Variants in RAP1A observed in about 807,000 individuals in gnomAD.
RAP1A encodes RAP1A, member of RAS oncogene family, also known as ras-related protein Rap-1A.
Under a neutral mutation model 26.4 loss-of-function variants are expected in RAP1A, and 6 were observed. The observed-to-expected ratio is 0.23, with a 90% confidence interval of 0.12 to 0.45. The LOEUF (loss-of-function observed/expected upper bound fraction) is 0.45. RAP1A is among the 20% of genes least tolerant of loss of function. The pLI is 0.99. For missense variants in RAP1A, 121 were observed against 217.2 expected, an observed-to-expected ratio of 0.56 and a Z score of 2.78; for synonymous variants, 73 against 79.4, an observed-to-expected ratio of 0.92 and a Z score of 0.43.
chr1:111,635,455 C>G (rs906013302), intron 1 of RAP1A, among the ~76,000 whole-genome samples: 1 of 152,204 alleles, frequency 6.6e-6, no homozygotes, highest in Admixed American at 6.5e-5. Flanking sequence ...AGAACAATAT[C>G]TATATCTTGT....
At chr1:111,661,755 C>T (rs904719266) in intron 1 of RAP1A, among the ~76,000 whole-genome samples, 71 of 149,990 alleles carry the variant, frequency 4.7e-4, no homozygotes, top group African/African-American at 1.6e-3. Flanking sequence ...GCCGAGATTG[C>T]GCCACTGCAC....
In RAP1A at chr1:111,714,955, C is replaced by G. The variant is rs1435020646; in HGVS notation, c.*2554C>G. 6.6e-6 allele frequency: 1 copy of G among 152,138 alleles called. No individual in the cohort carries two copies. The highest frequency in any genetic ancestry group is 2.4e-5 in the African/African-American group (1 of 41,434). 9.4% of individuals were successfully genotyped at this position (152,138 alleles called of 1,614,324 possible). On this transcript the variant is annotated 3_prime_UTR_variant, in exon 8 of 8. Transcript: ENST00000369709. ...ACACAGAATTTAAGGAGGCTTCATG[C>G]CATAGTTCATAGTTTGCTCTAATGG...
In RAP1A at chr1:111,561,610, T is replaced by C. The variant is rs569180167; in HGVS notation, c.-28+19101T>C. Among the ~76,000 whole-genome samples the C allele has an allele frequency of 4.5e-4, 69 of 152,266 alleles. 1 individual carries two copies. The highest frequency in any genetic ancestry group is 1.6e-3 in the African/African-American group (67 of 41,552). On this transcript the variant is annotated intron_variant, in intron 1 of 7. Coordinates refer to the RAP1A transcript ENST00000356415. ...GTCAGGTCAAACACAGAGCAGAAGG[T>C]CACAGAATTTTATTCAATCATAGGC...
chr1:111,594,613 G>C (rs1183647235), intron 1 of RAP1A, among the ~76,000 whole-genome samples: 4 of 151,934 alleles, frequency 2.6e-5, no homozygotes, highest in African/African-American at 9.7e-5. Context: ...AGCAAGGAGA[G>C]CGAGAAAAGA....
intron 1 of RAP1A, among the ~76,000 whole-genome samples, chr1:111,567,355 G>T (rs1036895310): frequency 6.6e-6 from 1 of 152,152 alleles, no homozygotes; most frequent in South Asian, 2.1e-4. Context: ...ATAATATTTT[G>T]TGCCCCATGA....
intron 1 of RAP1A, among the ~76,000 whole-genome samples, chr1:111,548,258 C>T (rs373376474): frequency 1.3e-5 from 2 of 152,166 alleles, no homozygotes; most frequent in East Asian, 1.9e-4. Flanking sequence ...TGGCCTCAAG[C>T]GACCCACCCA....
chr1:111,639,650 A>G (rs1248582626), intron 1 of RAP1A, among the ~76,000 whole-genome samples: 2 of 152,048 alleles, frequency 1.3e-5, no homozygotes, highest in African/African-American at 4.8e-5. Flanking sequence ...TACCTTTGTA[A>G]TGAAAAATCT....
At chr1:111,711,352 A>G (rs1353646627) in intron 7 of RAP1A, among the ~76,000 whole-genome samples, 1 of 152,196 alleles carries the variant, frequency 6.6e-6, no homozygotes, top group Non-Finnish European at 1.5e-5. Flanking sequence ...CTCACAAAAT[A>G]TCCTTTTAGC....
chr1:111,674,302 C>T lies in RAP1A; in HGVS notation c.-27-17032C>T, dbSNP rs1302743665. Among the ~76,000 whole-genome samples, 176 of 126,636 alleles carry T rather than the reference C, an allele frequency of 1.4e-3. 1 individual carries two copies. Among genetic ancestry groups the T allele is most frequent in the Non-Finnish European group, 2.5e-3 (150 of 58,998 alleles). 83.1% of individuals were successfully genotyped at this position (126,636 alleles called of 152,430 possible). A position where few individuals can be genotyped will look rare whatever the true frequency, so the allele number is the denominator to read the frequency against. ...TCATGGACATCACTTTTTTTTTTTT[C>T]ATGGAATCACCTAATACAGATAGAG... On this transcript the variant is annotated intron_variant, in intron 1 of 7. Transcript: ENST00000369709.
chr1:111,646,435 C>A (rs3860204), intron 1 of RAP1A, among the ~76,000 whole-genome samples: 98,220 of 132,208 alleles, frequency 0.74, 33,559 homozygotes, highest in South Asian at 0.82. Flanking sequence ...AAAAAAAAAA[C>A]AAAACAAAAC....
At chr1:111,645,131 G>A (rs1212603528) in intron 1 of RAP1A, among the ~76,000 whole-genome samples, 1 of 134,458 alleles carries the variant, frequency 7.4e-6, no homozygotes, top group African/African-American at 2.9e-5. Flanking sequence ...AAAATAATTT[G>A]CAATTTAAAG....
chr1:111,631,511 A>C (rs547091896), intron 1 of RAP1A, among the ~76,000 whole-genome samples: 2 of 152,342 alleles, frequency 1.3e-5, no homozygotes, highest in Middle Eastern at 3.4e-3. Context: ...ACAGGTGATG[A>C]AACTCAAAGT....
chr1:111,571,838 A>G (rs1658054559), intron 1 of RAP1A, among the ~76,000 whole-genome samples: 1 of 152,220 alleles, frequency 6.6e-6, no homozygotes, highest in Non-Finnish European at 1.5e-5. Flanking sequence ...GATAGATAAA[A>G]TGGCATGCAT....
At chr1:111,693,449 A>G (rs751081713) in intron 2 of RAP1A, among the ~76,000 whole-genome samples, 6 of 152,118 alleles carry the variant, frequency 3.9e-5, no homozygotes, top group Non-Finnish European at 8.8e-5. Flanking sequence ...AGAGGAAAAT[A>G]AGGATACAGG....
chr1:111,595,747 T>C (rs1425282217), intron 1 of RAP1A, among the ~76,000 whole-genome samples: 3 of 152,166 alleles, frequency 2.0e-5, no homozygotes, highest in Admixed American at 2.0e-4. Context: ...ATATAATCCA[T>C]CATTTGCCAA....
Position 111,622,680 on chromosome 1 carries a change from A to C in RAP1A, c.-28+2746A>C, listed in dbSNP as rs569382950. 1.3e-4 allele frequency among the ~76,000 whole-genome samples: 20 copies of C among 152,366 alleles called. No homozygotes were observed. In the South Asian group the frequency reaches 3.9e-3, roughly 30 times the overall value. The stretch of plus-strand genomic sequence containing the variant: ...CATTATTGTTTAACATTTAAAAAAT[A>C]ATGTCAGTCATAAAAAGATAACTTT... On this transcript the variant is annotated intron_variant, in intron 1 of 7. Coordinates refer to ENST00000369709, the MANE Select transcript of RAP1A (RefSeq NM_002884.4).
chr1:111,613,154 T>TG, intron 1 of RAP1A, among the ~76,000 whole-genome samples: 1 of 106,482 alleles, frequency 9.4e-6, no homozygotes, highest in Middle Eastern at 4.9e-3. Context: ...AACGTAGGGT[T>TG]TTTTTTTTTT....
intron 1 of RAP1A, among the ~76,000 whole-genome samples, chr1:111,559,503 G>A (rs1293377565): frequency 6.6e-6 from 1 of 152,210 alleles, no homozygotes; most frequent in African/African-American, 2.4e-5. Flanking sequence ...GTACCCAGCT[G>A]TGTGTCTTTA....
chr1:111,631,273 A>G (rs1374356140), intron 1 of RAP1A, among the ~76,000 whole-genome samples: 1 of 152,206 alleles, frequency 6.6e-6, no homozygotes, highest in Non-Finnish European at 1.5e-5. Context: ...TTATGTGATT[A>G]ATAAGATGTC....
Sources: gnomAD v4.1 joint callset for allele counts (sites outside exome capture counted in the v4.1 genomes callset) on GRCh38, gnomAD v4.1.1 for gene constraint, MANE v1.5 for transcripts, NCBI Gene and HGNC (gene_info 2026-07-23, HGNC 2026-07-21) for gene names.